Variants in SEMA6A observed in about 807,000 individuals in gnomAD.
SEMA6A encodes semaphorin 6A.
Under a neutral mutation model 96.8 loss-of-function variants are expected in SEMA6A, and 25 were observed. The ratio of observed to expected loss-of-function variants is 0.26; its 90% confidence interval spans 0.19 to 0.36. The LOEUF is 0.36. Ranked by LOEUF, SEMA6A falls within the 10% of genes least tolerant of loss-of-function variation. The probability of loss-of-function intolerance (pLI) is 1.00; values close to 1 mark genes in which losing one functional copy is unlikely to be tolerated. For missense variants in SEMA6A, 1,363 were observed against 1,323.1 expected, an observed-to-expected ratio of 1.03 and a Z score of -0.47; for synonymous variants, 612 against 518.0, an observed-to-expected ratio of 1.18 and a Z score of -2.46.
chr5:116,573,292 A>C (rs1761311696), intron 1 of SEMA6A, among the ~76,000 whole-genome samples: 1 of 151,720 alleles, frequency 6.6e-6, no homozygotes, highest in Admixed American at 6.6e-5. Flanking sequence ...CAGGTCTCTC[A>C]CCCTTCCCCC....
rs575795982 is a variant in SEMA6A at position 116,478,169 on chromosome 5, C to A, written c.1428-15G>T. The A allele has an allele frequency of 1.9e-5, 30 of 1,613,276 alleles. No individual in the cohort carries two copies. Among genetic ancestry groups the A allele is most frequent in the Non-Finnish European group, 2.5e-5 (29 of 1,179,658 alleles). On this transcript the variant is annotated splice_polypyrimidine_tract_variant and intron_variant, in intron 13 of 18. Coordinates refer to ENST00000343348, the MANE Select transcript of SEMA6A (RefSeq NM_020796.5). ...CATAGCTGCATCTAATTTCATCAGG[C>A]AAGATAATATCATTAATAGACTCTT...
At chr5:116,447,901 G>T in intron 18 of SEMA6A, 90 bp from the exon 19 acceptor site, 1 of 1,071,148 alleles carries the variant, frequency 9.3e-7, no homozygotes, top group Non-Finnish European at 1.3e-6. Flanking sequence ...ATTAATAACA[G>T]TAGTAAGTGA....
chr5:116,446,928 C>T lies in SEMA6A; in HGVS notation c.2778G>A (p.Thr926=), dbSNP rs745956801. The stretch of plus-strand genomic sequence containing the variant: ...TGAGAGTGGTGGCCTGGTGGCTTCT[C>T]GTGAGCGAGTTCGTGGGGTAGCTCC... ...YKRSYPTNSL[T]RSHQATTLKR... Residue 926 remains threonine, a synonymous_variant, in exon 19 of 19, where the codon ACG becomes ACA. Transcript: ENST00000343348. 3.1e-6 allele frequency: 5 copies of T among 1,613,946 alleles called. No homozygotes were observed. The South Asian group carries it at 4.4e-5, about 14-fold the overall frequency.
chr5:116,558,264 GAT>G (rs1195501867), intron 1 of SEMA6A, among the ~76,000 whole-genome samples: 1 of 152,090 alleles, frequency 6.6e-6, no homozygotes, highest in Non-Finnish European at 1.5e-5. Context: ...TAACATGAAA[GAT>G]AAATATAGAA....
intron 1 of SEMA6A, among the ~76,000 whole-genome samples, chr5:116,505,705 ATC>A (rs1412588753): frequency 6.6e-6 from 1 of 152,202 alleles, no homozygotes. Context: ...AAAAAGTCAT[ATC>A]TCTATATATT....
intron 18 of SEMA6A, among the ~76,000 whole-genome samples, chr5:116,456,921 C>G (rs1363803055): frequency 1.3e-5 from 2 of 152,102 alleles, no homozygotes; most frequent in African/African-American, 4.8e-5. Context: ...CTCTGCATGA[C>G]TAGACGAGAG....
At chr5:116,472,894 T>C in intron 17 of SEMA6A, 179 bp downstream of exon 17, 1 of 1,511,734 alleles carries the variant, frequency 6.6e-7, no homozygotes, top group Non-Finnish European at 8.8e-7. Flanking sequence ...CCATACACTG[T>C]GTTGTAAGAC....
At chr5:116,570,621 G>C (rs1372739913) in intron 1 of SEMA6A, among the ~76,000 whole-genome samples, 1 of 152,264 alleles carries the variant, frequency 6.6e-6, no homozygotes. Context: ...ATTCCTTCCT[G>C]CAAACAAATA....
chr5:116,475,525 G>T lies in SEMA6A; in HGVS notation c.1708+20C>A. On this transcript the variant is annotated intron_variant, in intron 16 of 18. Transcript: ENST00000343348. Reference sequence around the variant, plus strand: ...AGCATCTTTGCCCAAAGATAAAAATGGATAAAAGACTGTACTTACTGTGAC... The same window carrying T: ...AGCATCTTTGCCCAAAGATAAAAATTGATAAAAGACTGTACTTACTGTGAC... 1.3e-6 allele frequency: 2 copies of T among 1,566,736 alleles called. No homozygotes were observed. The highest frequency in any genetic ancestry group is 2.3e-5 in the East Asian group (1 of 43,376).
chr5:116,519,979 C>G (rs936145998), intron 1 of SEMA6A, among the ~76,000 whole-genome samples: 5 of 152,138 alleles, frequency 3.3e-5, no homozygotes, highest in Non-Finnish European at 5.9e-5. Context: ...GTTATGTCCT[C>G]CCTTCCATAA....
intron 1 of SEMA6A, among the ~76,000 whole-genome samples, chr5:116,509,316 C>A (rs935068227): frequency 6.6e-6 from 1 of 152,152 alleles, no homozygotes; most frequent in South Asian, 2.1e-4. Flanking sequence ...CACTATTTTT[C>A]CCTGAGCAAA....
At chr5:116,560,703 C>T (rs952869013) in intron 1 of SEMA6A, among the ~76,000 whole-genome samples, 2 of 151,992 alleles carry the variant, frequency 1.3e-5, no homozygotes, top group African/African-American at 4.8e-5. Context: ...TTATTTTTAT[C>T]CCGACCATAA....
At chr5:116,502,062 T>G (rs1395152071) in intron 3 of SEMA6A, 148 bp downstream of exon 3, 2 of 629,218 alleles carry the variant, frequency 3.2e-6, no homozygotes, top group African/African-American at 3.7e-5. Context: ...TTTGAAATAA[T>G]GATTGCTTGA....
intron 1 of SEMA6A, among the ~76,000 whole-genome samples, chr5:116,519,388 G>A (rs1758822058): frequency 6.6e-6 from 1 of 152,208 alleles, no homozygotes; most frequent in South Asian, 2.1e-4. Context: ...TGAGATGTGA[G>A]AAAATATCGT....
At chr5:116,522,032 G>C (rs1305691646) in intron 1 of SEMA6A, among the ~76,000 whole-genome samples, 1 of 152,162 alleles carries the variant, frequency 6.6e-6, no homozygotes, top group Non-Finnish European at 1.5e-5. Context: ...CAGTACCCCA[G>C]TGATTGTAAA....
intron 1 of SEMA6A, among the ~76,000 whole-genome samples, chr5:116,552,684 T>C (rs1421679572): frequency 6.6e-6 from 1 of 152,168 alleles, no homozygotes; most frequent in African/African-American, 2.4e-5. Context: ...TCAAAACCGA[T>C]CTATTTCGGT....
At chr5:116,522,074 T>G (rs1477420038) in intron 1 of SEMA6A, among the ~76,000 whole-genome samples, 1 of 152,170 alleles carries the variant, frequency 6.6e-6, no homozygotes, top group Non-Finnish European at 1.5e-5. Context: ...AAACTTGAAA[T>G]ACAAGCCAAG....
chr5:116,505,376 T>C (rs1758095579), intron 1 of SEMA6A, among the ~76,000 whole-genome samples: 1 of 151,752 alleles, frequency 6.6e-6, no homozygotes, highest in Non-Finnish European at 1.5e-5. Context: ...TTTGTAAAAA[T>C]CAAAATACCT....
At chr5:116,539,884 C>T (rs980700558) in intron 1 of SEMA6A, among the ~76,000 whole-genome samples, 7 of 152,000 alleles carry the variant, frequency 4.6e-5, no homozygotes, top group African/African-American at 1.4e-4. Flanking sequence ...GCCAATTTTT[C>T]TTCCCAGTGT....
Sources: allele counts gnomAD v4.1 joint callset (sites outside exome capture counted in the v4.1 genomes callset), GRCh38; gene constraint gnomAD v4.1.1; transcripts MANE v1.5; gene names NCBI Gene and HGNC (gene_info 2026-07-23, HGNC 2026-07-21).